KCNH1: variants seen among roughly 807,000 people sequenced by gnomAD.
KCNH1 encodes voltage-gated delayed rectifier potassium channel KCNH1.
In KCNH1, 27 loss-of-function variants were observed where a neutral mutation model predicts 69.2. The observed-to-expected ratio is 0.39, with a 90% CI of 0.29 to 0.54. The LOEUF is 0.54. Among genes scored for constraint, KCNH1 ranks in the 20% least tolerant of loss-of-function variants. The pLI is 0.68. For missense variants in KCNH1, 798 were observed against 1,261.6 expected, an observed-to-expected ratio of 0.63 and a Z score of 5.57; for synonymous variants, 456 against 487.7, an observed-to-expected ratio of 0.93 and a Z score of 0.86.
Position 211,050,260 on chromosome 1 carries a change from TAAAAAAAA to T in KCNH1, c.559-31012_559-31005del, listed in dbSNP as rs747498526. ...AGGACAAACTCAGCCCACACATTCT[TAAAAAAAA>T]AAAAAAAAAAAAAAAAAAAAAAGGA... On this transcript the variant is annotated intron_variant, in intron 5 of 10. Transcript: ENST00000271751. Among the ~76,000 whole-genome samples the T allele has an allele frequency of 2.7e-3, 157 of 58,568 alleles. 2 individuals carry two copies. The South Asian group carries it at 0.03, about 11-fold the overall frequency. 38.4% of individuals were successfully genotyped at this position (58,568 alleles called of 152,430 possible). A position where few individuals can be genotyped will look rare whatever the true frequency, so the allele number is the denominator to read the frequency against.
chr1:211,070,736 C>T (rs752371679), intron 5 of KCNH1, among the ~76,000 whole-genome samples: 6 of 150,530 alleles, frequency 4.0e-5, no homozygotes, highest in East Asian at 2.0e-4. Context: ...ACAGGAGAAT[C>T]GCTTGAACCC....
At chr1:210,989,689 C>G (rs750902171) in intron 6 of KCNH1, among the ~76,000 whole-genome samples, 3 of 152,144 alleles carry the variant, frequency 2.0e-5, no homozygotes, top group Non-Finnish European at 4.4e-5. Context: ...TTTAAAACTT[C>G]AAGAGATTCA....
intron 3 of KCNH1, among the ~76,000 whole-genome samples, chr1:211,092,806 A>C (rs1454394862): frequency 6.6e-6 from 1 of 151,390 alleles, no homozygotes; most frequent in African/African-American, 2.4e-5. Flanking sequence ...TTAAGGCAAA[A>C]ACACACAAAT....
At position 210,919,983 on chromosome 1, in the gene KCNH1, T is replaced by C; in HGVS notation, c.1119A>G (p.Glu373=). 1 of 1,614,110 alleles carries C rather than the reference T, an allele frequency of 6.2e-7. No individual in the cohort carries two copies. Among genetic ancestry groups the C allele is most frequent in the South Asian group, 1.1e-5 (1 of 91,076 alleles). The change falls in exon 7 of 11, where the codon GAA becomes GAG. Residue 373 remains glutamate (E), a synonymous_variant. Coordinates refer to ENST00000271751, the MANE Select transcript of KCNH1 (RefSeq NM_172362.3). This position sits in a 1 kb window ranked among gnomAD's most constrained non-coding sequence, Gnocchi z 4.2. ...GCAGGACCAGCACAGCAGCTCCATA[T>C]TCAATGTAGTGGTCCAGCTTACGGG... ...RVARKLDHYI[E]YGAAVLVLLV... is the part of the protein sequence containing the mutation.
At chr1:210,717,036 C>CTATT in intron 10 of KCNH1, among the ~76,000 whole-genome samples, 1 of 152,280 alleles carries the variant, frequency 6.6e-6, no homozygotes, top group African/African-American at 2.4e-5. Flanking sequence ...GTTATATCTT[C>CTATT]TATTTCACCA....
chr1:211,131,150 A>G (rs1691868882), intron 1 of KCNH1, among the ~76,000 whole-genome samples: 1 of 152,086 alleles, frequency 6.6e-6, no homozygotes, highest in Non-Finnish European at 1.5e-5. Context: ...TTCCTTATTT[A>G]TACAATGATG....
intron 6 of KCNH1, among the ~76,000 whole-genome samples, chr1:211,000,327 A>C (rs1398871364): frequency 6.6e-6 from 1 of 152,228 alleles, no homozygotes; most frequent in African/African-American, 2.4e-5. Flanking sequence ...TCAGGATACA[A>C]AATCAATGTG....
At chr1:210,741,780 C>T (rs926559896) in intron 10 of KCNH1, among the ~76,000 whole-genome samples, 1 of 152,124 alleles carries the variant, frequency 6.6e-6, no homozygotes, top group South Asian at 2.1e-4. Context: ...GCCCATCAAC[C>T]GACAGGGGCA....
intron 6 of KCNH1, among the ~76,000 whole-genome samples, chr1:210,954,252 G>A (rs1688120341): frequency 6.6e-6 from 1 of 152,228 alleles, no homozygotes; most frequent in South Asian, 2.1e-4. Context: ...TTTTATGGCT[G>A]CATTGTATTC....
At chr1:210,977,497 C>G (rs1480956518) in intron 6 of KCNH1, among the ~76,000 whole-genome samples, 1 of 151,982 alleles carries the variant, frequency 6.6e-6, no homozygotes, top group Non-Finnish European at 1.5e-5. Flanking sequence ...TCACTCCACC[C>G]TCAGCTCCCG....
At chr1:211,105,460 T>C (rs1029058807) in intron 2 of KCNH1, among the ~76,000 whole-genome samples, 1 of 152,214 alleles carries the variant, frequency 6.6e-6, no homozygotes, top group African/African-American at 2.4e-5. Context: ...CTAAATTTCC[T>C]TTACCTGGAT....
chr1:211,043,919 T>C (rs1214173251), intron 5 of KCNH1, among the ~76,000 whole-genome samples: 1 of 152,122 alleles, frequency 6.6e-6, no homozygotes, highest in East Asian at 1.9e-4. Flanking sequence ...CTCAGCCAAA[T>C]CAGCATACAA....
At chr1:211,048,467 T>C (rs1176237331) in intron 5 of KCNH1, among the ~76,000 whole-genome samples, 2 of 152,004 alleles carry the variant, frequency 1.3e-5, no homozygotes, top group East Asian at 1.9e-4. Flanking sequence ...ATAAAGAAAA[T>C]GTGGTGTATA....
chr1:210,707,611 CAG>C (rs1310049896), intron 10 of KCNH1, among the ~76,000 whole-genome samples: 2 of 152,162 alleles, frequency 1.3e-5, no homozygotes, highest in Non-Finnish European at 2.9e-5. Context: ...GCTGGCCACA[CAG>C]AGGGAAAACG....
intron 10 of KCNH1, among the ~76,000 whole-genome samples, chr1:210,739,328 A>G (rs1376976095): frequency 6.6e-6 from 1 of 152,218 alleles, no homozygotes; most frequent in Non-Finnish European, 1.5e-5. Flanking sequence ...CCCCATCCTG[A>G]CTAGAACTAC....
intron 6 of KCNH1, among the ~76,000 whole-genome samples, chr1:211,014,020 G>A (rs11583101): frequency 0.35 from 53,716 of 152,004 alleles, 9,880 homozygotes; most frequent in Non-Finnish European, 0.38. Context: ...CTCTTGGCAA[G>A]TGTCAGCTGC....
chr1:210,975,521 T>C (rs1381418704), intron 6 of KCNH1, among the ~76,000 whole-genome samples: 1 of 152,180 alleles, frequency 6.6e-6, no homozygotes, highest in African/African-American at 2.4e-5. Context: ...ATTTAATAAA[T>C]GGTGATGGGG....
rs552707814 is a variant in KCNH1 at position 210,735,824 on chromosome 1, G to C, written c.2112+39524C>G. The stretch of plus-strand genomic sequence containing the variant: ...ACACACACACACACACACACACAGA[G>C]AGAGAGAGAGAGAGAGAGCGCACAA... On this transcript the variant is annotated intron_variant, in intron 10 of 10. Transcript: ENST00000271751. 2.0e-3 allele frequency among the ~76,000 whole-genome samples: 301 copies of C among 148,460 alleles called. 2 individuals are homozygous for C. The highest frequency in any genetic ancestry group is 6.0e-3 in the African/African-American group (232 of 38,806).
At chr1:210,947,161 G>A (rs1300943059) in intron 6 of KCNH1, among the ~76,000 whole-genome samples, 2 of 152,154 alleles carry the variant, frequency 1.3e-5, no homozygotes, top group Non-Finnish European at 2.9e-5. Flanking sequence ...GACCTCTAAA[G>A]AGACAGCTTT....
Sources: gnomAD v4.1 joint callset for allele counts (sites outside exome capture counted in the v4.1 genomes callset) on GRCh38, gnomAD v4.1.1 for gene constraint, Gnocchi (gnomAD v3.1) non-coding constraint, MANE v1.5 for transcripts, NCBI Gene and HGNC (gene_info 2026-07-23, HGNC 2026-07-21) for gene names.